Variants in ASB3 observed in about 807,000 individuals in gnomAD.
ASB3 encodes ankyrin repeat and SOCS box containing 3, also known as ankyrin repeat and SOCS box protein 3.
A neutral mutation model predicts 54.5 loss-of-function variants in ASB3; 41 were observed. That is an observed-to-expected ratio of 0.75 (90% CI 0.59 to 0.98). The LOEUF is 0.98. Among genes scored for constraint, ASB3 ranks in the 50% least tolerant of loss-of-function variants. The pLI is 0.00. For synonymous variants in ASB3, 266 were observed against 221.2 expected, an observed-to-expected ratio of 1.20 and a Z score of -1.80; for missense variants, 733 against 620.0, an observed-to-expected ratio of 1.18 and a Z score of -1.94.
intron 9 of ASB3, among the ~76,000 whole-genome samples, chr2:53,676,899 G>A (rs772392859): frequency 4.6e-5 from 7 of 152,280 alleles, no homozygotes; most frequent in African/African-American, 1.7e-4. Context: ...CTCCCGAGTT[G>A]CTGGGATTAC....
intron 8 of ASB3, among the ~76,000 whole-genome samples, chr2:53,697,878 G>A (rs1039786146): frequency 2.6e-5 from 4 of 152,062 alleles, no homozygotes; most frequent in South Asian, 2.1e-4. Flanking sequence ...CCCCTATGGC[G>A]CCCCTATGGC....
At chr2:53,765,188 A>C (rs972729028) in intron 2 of ASB3, among the ~76,000 whole-genome samples, 189 bp downstream of exon 2, 11 of 152,352 alleles carry the variant, frequency 7.2e-5, no homozygotes, top group Admixed American at 7.2e-4. Context: ...AAGATGTCCA[A>C]CTAGAGTATC....
chr2:53,719,727 C>T (rs568385836), intron 5 of ASB3, among the ~76,000 whole-genome samples: 5 of 152,154 alleles, frequency 3.3e-5, no homozygotes, highest in Non-Finnish European at 5.9e-5. Context: ...TGCTCCTGAT[C>T]GAAATCAGCC....
intron 8 of ASB3, among the ~76,000 whole-genome samples, chr2:53,698,783 G>A (rs1669323838): frequency 6.6e-6 from 1 of 152,204 alleles, no homozygotes; most frequent in Admixed American, 6.5e-5. Flanking sequence ...TAAGAAGGTT[G>A]AGACTTTCCT....
intron 7 of ASB3, among the ~76,000 whole-genome samples, chr2:53,708,740 TTAGCAAA>T (rs1169746212): frequency 1.3e-5 from 2 of 152,232 alleles, no homozygotes; most frequent in Non-Finnish European, 2.9e-5. Context: ...TTGTTATGCC[TTAGCAAA>T]GAACCTGAAT....
intron 1 of ASB3, among the ~76,000 whole-genome samples, chr2:53,778,490 A>G (rs577404356): frequency 6.6e-6 from 1 of 152,188 alleles, no homozygotes; most frequent in Admixed American, 6.5e-5. Context: ...ACTGTGCAAC[A>G]TATCTCAAAG....
intron 7 of ASB3, 42 bp downstream of exon 7, chr2:53,714,342 G>A (rs759185918): frequency 1.2e-6 from 2 of 1,602,962 alleles, no homozygotes; most frequent in South Asian, 2.2e-5. Context: ...TCTCCATACA[G>A]CAAAAAAGAA....
At chr2:53,780,145 G>T (rs1047015357) in intron 1 of ASB3, among the ~76,000 whole-genome samples, 4 of 152,064 alleles carry the variant, frequency 2.6e-5, no homozygotes, top group African/African-American at 9.7e-5. Flanking sequence ...TGAAACTGAG[G>T]TCAGTAATCA....
At chr2:53,743,818 G>A (rs1168204836) in intron 3 of ASB3, among the ~76,000 whole-genome samples, 4 of 152,134 alleles carry the variant, frequency 2.6e-5, no homozygotes, top group African/African-American at 4.8e-5. Context: ...CGAGGCAGGC[G>A]GATCACTTCA....
chr2:53,785,812 A>G (rs1674942655), intron 1 of ASB3, among the ~76,000 whole-genome samples: 1 of 152,276 alleles, frequency 6.6e-6, no homozygotes, highest in Non-Finnish European at 1.5e-5. Context: ...TCTGCACTCC[A>G]GCCTGGGTGA....
In ASB3 at chr2:53,677,830, T is replaced by C. The variant is rs146419259; in HGVS notation, c.1370-7140A>G. Among the ~76,000 whole-genome samples, 1,271 of 152,258 alleles carry C rather than the reference T, an allele frequency of 8.3e-3. 14 individuals are homozygous for C. The highest frequency in any genetic ancestry group is 0.029 in the African/African-American group (1,210 of 41,536). ...GTAGATTAGAGTGTCTTGCTGAGTATGGTTCTTCCATTAGCTAATTATCTC... is the reference window on the plus strand; with the variant it reads ...GTAGATTAGAGTGTCTTGCTGAGTACGGTTCTTCCATTAGCTAATTATCTC... On this transcript the variant is annotated intron_variant, in intron 9 of 9. Transcript: ENST00000263634.
intron 2 of ASB3, among the ~76,000 whole-genome samples, chr2:53,762,096 CAGAT>C (rs1433106726): frequency 6.6e-6 from 1 of 152,040 alleles, no homozygotes; most frequent in Non-Finnish European, 1.5e-5. Context: ...GGAGCAATGG[CAGAT>C]AGAGAAGATC....
chr2:53,681,497 G>A (rs1668369646), intron 9 of ASB3, among the ~76,000 whole-genome samples: 1 of 152,082 alleles, frequency 6.6e-6, no homozygotes, highest in Non-Finnish European at 1.5e-5. Context: ...GTAGTTAGAG[G>A]TCTTAAACTC....
chr2:53,749,010 TA>T (rs537177349), intron 3 of ASB3, among the ~76,000 whole-genome samples: 22 of 151,574 alleles, frequency 1.5e-4, no homozygotes, highest in South Asian at 2.1e-4. Context: ...TCAAAAGGAT[TA>T]AAAAAAATAC....
rs1675056308 is a variant in ASB3 at position 53,786,928 on chromosome 2, C to A, written c.-121G>T. 2 of 408,636 alleles carry A rather than the reference C, an allele frequency of 4.9e-6. No individual in the cohort carries two copies. The highest frequency in any genetic ancestry group is 8.0e-5 in the Admixed American group (2 of 24,888). 25.3% of individuals were successfully genotyped at this position (408,636 alleles called of 1,614,324 possible). A position where few individuals can be genotyped will look rare whatever the true frequency, so the allele number is the denominator to read the frequency against. Reference sequence around the variant, plus strand: ...ATCCCCACCGCGATGCTGCAGCCGTCCGAAAACGAGAGACGCGCAGGCGAC... The same window carrying A: ...ATCCCCACCGCGATGCTGCAGCCGTACGAAAACGAGAGACGCGCAGGCGAC... On this transcript the variant is annotated 5_prime_UTR_variant, in exon 1 of 10. Transcript: ENST00000263634.
intron 1 of ASB3, chr2:53,768,078 C>CCA: frequency 6.3e-7 from 1 of 1,590,066 alleles, no homozygotes; most frequent in Non-Finnish European, 8.6e-7. Flanking sequence ...CTCCCCAACT[C>CCA]CACACACAGC....
At chr2:53,765,773 G>T (rs747689648) in intron 1 of ASB3, among the ~76,000 whole-genome samples, 188 bp from the exon 2 acceptor site, 2 of 152,142 alleles carry the variant, frequency 1.3e-5, no homozygotes, top group Admixed American at 6.5e-5. Flanking sequence ...TCTCTGTTTG[G>T]CAGATTGGAA....
At chr2:53,765,229 A>T in intron 2 of ASB3, 148 bp downstream of exon 2, 1 of 1,172,308 alleles carries the variant, frequency 8.5e-7, no homozygotes, top group Non-Finnish European at 1.2e-6. Context: ...AGGCAATCTT[A>T]CTATCCTTAA....
chr2:53,672,355 T>G (rs1168441345), intron 9 of ASB3, among the ~76,000 whole-genome samples: 1 of 152,168 alleles, frequency 6.6e-6, no homozygotes, highest in Non-Finnish European at 1.5e-5. Context: ...ATTTGACACT[T>G]TTCTGTAAAC....
Sources: gnomAD v4.1 joint callset for allele counts (sites outside exome capture counted in the v4.1 genomes callset) on GRCh38, gnomAD v4.1.1 for gene constraint, MANE v1.5 for transcripts, NCBI Gene and HGNC (gene_info 2026-07-23, HGNC 2026-07-21) for gene names.